The following CRACDL variants were observed in gnomAD, a reference collection of about 807,000 sequenced individuals.
The protein encoded by CRACDL is CRACD-like protein.
A neutral mutation model predicts 70.6 loss-of-function variants in CRACDL; 26 were observed. The ratio of observed to expected loss-of-function variants is 0.37; its 90% confidence interval spans 0.27 to 0.51. The LOEUF is 0.51. Ranked by LOEUF, CRACDL falls within the 20% of genes least tolerant of loss-of-function variation. CRACDL has a pLI of 0.94. For synonymous variants in CRACDL, 618 were observed against 615.2 expected, an observed-to-expected ratio of 1.00 and a Z score of -0.07; for missense variants, 1,283 against 1,376.9, an observed-to-expected ratio of 0.93 and a Z score of 1.08.
intron 7 of CRACDL, among the ~76,000 whole-genome samples, chr2:98,799,199 A>C (rs1703967039): frequency 6.6e-6 from 1 of 152,092 alleles, no homozygotes; most frequent in Admixed American, 6.5e-5. Flanking sequence ...GTCCAGGAGG[A>C]GTGAATGTCA....
intron 1 of CRACDL, among the ~76,000 whole-genome samples, chr2:98,877,001 C>T (rs959590506): frequency 5.3e-5 from 8 of 152,202 alleles, no homozygotes; most frequent in Admixed American, 2.6e-4. Flanking sequence ...AATGCAACAC[C>T]GGCACATCCA....
chr2:98,921,104 C>A (rs1708790466), intron 1 of CRACDL, among the ~76,000 whole-genome samples: 2 of 152,208 alleles, frequency 1.3e-5, no homozygotes, highest in Admixed American at 6.5e-5. Flanking sequence ...AAGAGAGGAG[C>A]CGATCCTCTC....
In CRACDL at chr2:98,889,315, GAAAGAAAGAAAGAAAGAAAGAAAGA is replaced by G. The variant is rs1487940990; in HGVS notation, c.-10-42530_-10-42506del. On this transcript the variant is annotated intron_variant, in intron 1 of 9. Transcript: ENST00000397899. ...AGAAAGAAAGAAAGAAAGAAAGAAA[GAAAGAAAGAAAGAAAGAAAGAAAGA>G]AAGGAAACAGTAACCAAAACAGAGC... Among the ~76,000 whole-genome samples the G allele has an allele frequency of 8.2e-3, 1,151 of 139,832 alleles. 14 individuals are homozygous for G. Among genetic ancestry groups the G allele is most frequent in the South Asian group, 0.021 (99 of 4,716 alleles). The allele number at this position is 139,832 out of a possible 152,430, so 91.7% of individuals were successfully genotyped here.
chr2:98,905,420 A>C (rs1558633312), intron 1 of CRACDL, among the ~76,000 whole-genome samples: 1 of 152,250 alleles, frequency 6.6e-6, no homozygotes. Context: ...CAGAACCATG[A>C]GTCAAATAAA....
chr2:98,870,501 T>C (rs1227388773), intron 1 of CRACDL, among the ~76,000 whole-genome samples: 1 of 122,064 alleles, frequency 8.2e-6, no homozygotes, highest in Non-Finnish European at 1.7e-5. Flanking sequence ...ACTGTGCTCC[T>C]GCCAACGACT....
intron 3 of CRACDL, among the ~76,000 whole-genome samples, chr2:98,835,713 C>G (rs1475498833): frequency 6.6e-6 from 1 of 152,182 alleles, no homozygotes; most frequent in Non-Finnish European, 1.5e-5. Context: ...CAAGCATGAT[C>G]CTGACTTTAC....
intron 1 of CRACDL, among the ~76,000 whole-genome samples, chr2:98,892,804 A>G (rs1708013207): frequency 6.6e-6 from 1 of 152,208 alleles, no homozygotes; most frequent in Admixed American, 6.5e-5. Context: ...TGCATATTAT[A>G]TATATGTAAA....
intron 8 of CRACDL, 27 bp downstream of exon 8, chr2:98,797,323 C>T (rs777440300): frequency 6.8e-6 from 11 of 1,609,338 alleles, no homozygotes; most frequent in African/African-American, 1.3e-5. Flanking sequence ...CCTGCACCCA[C>T]AGAACAGAAG....
chr2:98,818,620 C>T (rs1455624845), intron 7 of CRACDL, among the ~76,000 whole-genome samples: 2 of 152,218 alleles, frequency 1.3e-5, no homozygotes, highest in South Asian at 2.1e-4. Flanking sequence ...GTTATTAAAA[C>T]TTTCATTATC....
intron 1 of CRACDL, among the ~76,000 whole-genome samples, chr2:98,883,496 C>T (rs960577866): frequency 2.6e-5 from 4 of 152,198 alleles, no homozygotes; most frequent in African/African-American, 9.7e-5. Flanking sequence ...CAGGCGCCTG[C>T]ACTGCTGGCC....
intron 1 of CRACDL, among the ~76,000 whole-genome samples, chr2:98,851,637 T>A (rs1706487099): frequency 6.6e-6 from 1 of 152,210 alleles, no homozygotes; most frequent in East Asian, 1.9e-4. Flanking sequence ...CCACCAACTT[T>A]CAGGTCAGTA....
rs778246418 is a variant in CRACDL at position 98,797,555 on chromosome 2, A to G, written c.2417-18T>C. ...ACTCTTTTCTGTTGGGTAAAGGCAC[A>G]AGATTATAGAAACAGTCCTATTCCC... is the stretch of plus-strand genomic sequence containing the variant. On this transcript the variant is annotated intron_variant, in intron 7 of 9. Coordinates refer to ENST00000397899, the MANE Select transcript of CRACDL (RefSeq NM_207362.3). 6.2e-7 allele frequency: 1 copy of G among 1,611,376 alleles called. No homozygotes were observed. Among genetic ancestry groups the G allele is most frequent in the East Asian group, 2.2e-5 (1 of 44,866 alleles).
chr2:98,911,431 G>A (rs916330844), intron 1 of CRACDL, among the ~76,000 whole-genome samples: 9 of 152,200 alleles, frequency 5.9e-5, no homozygotes, highest in African/African-American at 1.7e-4. Context: ...ATCAGGCTCC[G>A]CAGGGACAAG....
At position 98,823,048 on chromosome 2, in the gene CRACDL, C is replaced by G. The variant is rs1430348754; in HGVS notation, c.1225G>C (p.Gly409Arg). The change falls in exon 7 of 10, where the codon GGG becomes CGG. Residue 409 changes from glycine (G) to arginine (R), a missense_variant. Coordinates refer to ENST00000397899, the MANE Select transcript of CRACDL (RefSeq NM_207362.3). The surrounding 1 kb of genome is among the most constrained non-coding windows in gnomAD (Gnocchi z 4.0). ...TCAGTCTCGGGGGGAGTCGTGTCCC[C>G]CTCAGGGATGGCGGTGGGAAACGGG... ...ASPFPTAIPE[G>R]DTTPPETDPA... is the part of the protein sequence containing the mutation. The G allele has an allele frequency of 2.6e-6, 4 of 1,547,534 alleles. No individual in the cohort carries two copies. The Admixed American group carries it at 5.6e-5, about 22-fold the overall frequency.
chr2:98,864,736 G>A (rs188086334), intron 1 of CRACDL, among the ~76,000 whole-genome samples: 5 of 152,104 alleles, frequency 3.3e-5, no homozygotes, highest in South Asian at 2.1e-4. Flanking sequence ...TAGTAGAGAC[G>A]GGGTTTCACC....
At chr2:98,929,767 A>G (rs1425130025) in intron 1 of CRACDL, among the ~76,000 whole-genome samples, 2 of 152,140 alleles carry the variant, frequency 1.3e-5, no homozygotes, top group African/African-American at 4.8e-5. Flanking sequence ...TTTGAAGAAA[A>G]AAACAACAAA....
rs761755303 is a variant in CRACDL at position 98,794,670 on chromosome 2, A to G, written c.2751T>C (p.Ala917=). The change falls in exon 10 of 10, where the codon GCT becomes GCC. Residue 917 remains alanine (A), a splice_region_variant and synonymous_variant. Transcript: ENST00000397899. ...CCTTCTCCATCATCACTGCAGACTG[A>G]GCTGCTTGGAAGGGAGACAAAACCA... ...RGISLSHQNL[A]QSAVMMEKEL... The G allele has an allele frequency of 1.2e-6, 2 of 1,609,100 alleles. No homozygotes were observed. Among genetic ancestry groups the G allele is most frequent in the Non-Finnish European group, 1.7e-6 (2 of 1,176,444 alleles).
chr2:98,935,266 G>C (rs1709179151), intron 1 of CRACDL, among the ~76,000 whole-genome samples: 1 of 152,044 alleles, frequency 6.6e-6, no homozygotes, highest in Non-Finnish European at 1.5e-5. Context: ...GCCTGCAGGC[G>C]GTTTGCACCT....
At chr2:98,878,565 T>C (rs1295480587) in intron 1 of CRACDL, among the ~76,000 whole-genome samples, 1 of 152,226 alleles carries the variant, frequency 6.6e-6, no homozygotes, top group Non-Finnish European at 1.5e-5. Context: ...TGCTATTAAG[T>C]GATCCATGAC....
Sources: allele counts gnomAD v4.1 joint callset (sites outside exome capture counted in the v4.1 genomes callset), GRCh38; gene constraint gnomAD v4.1.1; non-coding constraint Gnocchi (gnomAD v3.1); transcripts MANE v1.5; gene names NCBI Gene and HGNC (gene_info 2026-07-23, HGNC 2026-07-21).